The following RBMS3 variants were observed in gnomAD, a reference collection of about 807,000 sequenced individuals.
RBMS3 encodes RNA binding motif single stranded interacting protein 3.
Under a neutral mutation model 66.8 loss-of-function variants are expected in RBMS3, and 27 were observed. The observed-to-expected ratio is 0.40, with a 90% CI of 0.30 to 0.56. The LOEUF is 0.56. RBMS3 is among the 20% of genes least tolerant of loss of function. The pLI is 0.40. For missense variants in RBMS3, 513 were observed against 549.5 expected, an observed-to-expected ratio of 0.93 and a Z score of 0.66; for synonymous variants, 188 against 183.0, an observed-to-expected ratio of 1.03 and a Z score of -0.22.
At chr3:29,846,895 G>T (rs527612938) in intron 6 of RBMS3, among the ~76,000 whole-genome samples, 72 of 152,154 alleles carry the variant, frequency 4.7e-4, no homozygotes, top group African/African-American at 1.4e-3. Context: ...TATGTTGTGG[G>T]TTTTTTTCTT....
At chr3:29,605,625 T>G (rs995432256) in intron 4 of RBMS3, among the ~76,000 whole-genome samples, 3 of 151,954 alleles carry the variant, frequency 2.0e-5, no homozygotes, top group Non-Finnish European at 4.4e-5. Context: ...TAATGTAATA[T>G]TATTTCATAA....
At chr3:29,679,675 C>T (rs574656705) in intron 4 of RBMS3, among the ~76,000 whole-genome samples, 4 of 151,854 alleles carry the variant, frequency 2.6e-5, no homozygotes, top group African/African-American at 9.7e-5. Context: ...ATTTTAGTTT[C>T]CCAAGCCAGT....
intron 4 of RBMS3, among the ~76,000 whole-genome samples, chr3:29,716,155 A>G (rs981396501): frequency 1.3e-5 from 2 of 152,132 alleles, no homozygotes; most frequent in Non-Finnish European, 2.9e-5. Flanking sequence ...AATTTGTACA[A>G]ATTTAGAGAA....
chr3:29,538,505 C>T (rs2045651648), intron 3 of RBMS3, among the ~76,000 whole-genome samples: 1 of 152,150 alleles, frequency 6.6e-6, no homozygotes, highest in Admixed American at 6.5e-5. Flanking sequence ...TTAGCAGATG[C>T]CAAAGTTTTT....
intron 4 of RBMS3, among the ~76,000 whole-genome samples, chr3:29,655,880 C>G (rs1353698744): frequency 6.6e-6 from 1 of 151,174 alleles, no homozygotes; most frequent in Non-Finnish European, 1.5e-5. Context: ...GATACTGAAC[C>G]TGACCCTGTA....
chr3:29,302,922 T>C (rs2033777049), intron 1 of RBMS3, among the ~76,000 whole-genome samples: 2 of 152,062 alleles, frequency 1.3e-5, no homozygotes, highest in Admixed American at 1.3e-4. Context: ...CATAAAGGGA[T>C]GTTTTATGTT....
At chr3:29,970,651 C>A (rs1451409481) in intron 12 of RBMS3, among the ~76,000 whole-genome samples, 2 of 152,072 alleles carry the variant, frequency 1.3e-5, no homozygotes, top group Non-Finnish European at 2.9e-5. Context: ...ATCCTCAATC[C>A]CATACCCTTT....
chr3:29,614,903 T>C (rs2048611561), intron 4 of RBMS3: 2 of 152,160 alleles, frequency 1.3e-5, no homozygotes, highest in Non-Finnish European at 1.5e-5. Context: ...TATAAGGGAG[T>C]AGTAGAATAT....
chr3:29,978,859 G>T (rs181374403), intron 12 of RBMS3, among the ~76,000 whole-genome samples: 2 of 152,226 alleles, frequency 1.3e-5, no homozygotes, highest in Non-Finnish European at 1.5e-5. Flanking sequence ...TGGGGGCTGG[G>T]CGTGGGGGCT....
In RBMS3 at chr3:29,874,509, G is replaced by A. The variant is rs3821578; in HGVS notation, c.744+5545G>A. Among the ~76,000 whole-genome samples, 268 of 152,154 alleles carry A rather than the reference G, an allele frequency of 1.8e-3. 1 individual carries two copies. Among genetic ancestry groups the A allele is most frequent in the East Asian group, 0.016 (82 of 5,168 alleles). ...ATGACCTTGAAAAAAATTAAGATAT[G>A]TCTACCAACACTGCCAGGTTCTGCA... On this transcript the variant is annotated intron_variant, in intron 7 of 14. Coordinates refer to ENST00000383767, the MANE Select transcript of RBMS3 (RefSeq NM_001003793.3).
At chr3:29,518,299 C>G (rs929027749) in intron 3 of RBMS3, among the ~76,000 whole-genome samples, 1 of 152,158 alleles carries the variant, frequency 6.6e-6, no homozygotes, top group African/African-American at 2.4e-5. Flanking sequence ...AAATTAATGT[C>G]TTTTGGAAAC....
Position 29,447,719 on chromosome 3 carries a change from G to T in RBMS3, c.248+12804G>T, listed in dbSNP as rs922982508. On this transcript the variant is annotated intron_variant, in intron 2 of 14. Coordinates refer to ENST00000383767, the MANE Select transcript of RBMS3 (RefSeq NM_001003793.3). ...TTAATTTGCTCCCAATTTGAAAATTGTGTGTAAAACTGATGGCCATTTTGT... is the reference window on the plus strand; with the variant it reads ...TTAATTTGCTCCCAATTTGAAAATTTTGTGTAAAACTGATGGCCATTTTGT... Among the ~76,000 whole-genome samples, 8 of 152,192 alleles carry T rather than the reference G, an allele frequency of 5.3e-5. No homozygotes were observed. In the East Asian group the frequency reaches 1.5e-3, roughly 29 times the overall value.
At chr3:29,808,173 G>A (rs867862511) in intron 6 of RBMS3, among the ~76,000 whole-genome samples, 2 of 151,636 alleles carry the variant, frequency 1.3e-5, no homozygotes, top group Admixed American at 6.6e-5. Flanking sequence ...CATTTTTGTT[G>A]TTCATTTTTT....
chr3:29,745,864 T>C (rs2054868707), intron 5 of RBMS3, among the ~76,000 whole-genome samples: 1 of 150,224 alleles, frequency 6.7e-6, no homozygotes, highest in South Asian at 2.1e-4. Context: ...GTTTTCTAAA[T>C]AAATAATTTA....
At chr3:29,779,616 G>A (rs2056551196) in intron 6 of RBMS3, among the ~76,000 whole-genome samples, 1 of 149,256 alleles carries the variant, frequency 6.7e-6, no homozygotes, top group African/African-American at 2.4e-5. Context: ...TTCCTTCTGT[G>A]GTTACAAGGA....
At chr3:29,479,658 T>C (rs2043064953) in intron 2 of RBMS3, among the ~76,000 whole-genome samples, 1 of 152,230 alleles carries the variant, frequency 6.6e-6, no homozygotes. Context: ...AGGACCTGTA[T>C]TATTTAGCAA....
chr3:29,558,302 T>C (rs1011227913), intron 3 of RBMS3, among the ~76,000 whole-genome samples: 6 of 151,570 alleles, frequency 4.0e-5, no homozygotes, highest in African/African-American at 1.2e-4. Context: ...AAAGATGCAA[T>C]TGAAGAAAAC....
chr3:29,346,873 A>G (rs2036607529), intron 1 of RBMS3, among the ~76,000 whole-genome samples: 1 of 152,228 alleles, frequency 6.6e-6, no homozygotes, highest in Non-Finnish European at 1.5e-5. Flanking sequence ...AGCTCTTTGT[A>G]CACAAAGTAA....
chr3:29,325,944 T>C (rs1248836685), intron 1 of RBMS3, among the ~76,000 whole-genome samples: 1 of 152,144 alleles, frequency 6.6e-6, no homozygotes, highest in Non-Finnish European at 1.5e-5. Context: ...ATTTCATTAA[T>C]TTCCCCAGGT....
Sources: gnomAD v4.1 joint callset for allele counts (sites outside exome capture counted in the v4.1 genomes callset) on GRCh38, gnomAD v4.1.1 for gene constraint, MANE v1.5 for transcripts, NCBI Gene and HGNC (gene_info 2026-07-23, HGNC 2026-07-21) for gene names.